The following DNM1L variants were observed in gnomAD, a reference collection of about 807,000 sequenced individuals.
DNM1L encodes the protein dynamin 1L.
DNM1L carries 33 observed loss-of-function variants against 92.8 expected under a neutral mutation model. That is an observed-to-expected ratio of 0.36 (90% CI 0.27 to 0.48). The LOEUF (loss-of-function observed/expected upper bound fraction) is 0.48, where lower values mean the gene tolerates loss of function less well. DNM1L is among the 20% of genes least tolerant of loss of function. The pLI, the probability that DNM1L is intolerant of heterozygous loss-of-function variation, is 0.99. For missense variants in DNM1L, 485 were observed against 888.8 expected (o/e 0.55, Z 5.78); for synonymous variants, 284 against 305.0 (o/e 0.93, Z 0.72).
intron 19 of DNM1L, 50 bp from the exon 20 acceptor site, chr12:32,743,301 TTAA>T: frequency 1.3e-6 from 2 of 1,520,562 alleles, no homozygotes; most frequent in East Asian, 4.6e-5. Context: ...GTAATTCAGA[TTAA>T]TTTCATAACT....
At chr12:32,741,941 A>G (rs1043073135) in intron 18 of DNM1L, among the ~76,000 whole-genome samples, 5 of 152,284 alleles carry the variant, frequency 3.3e-5, no homozygotes, top group Admixed American at 3.3e-4. Flanking sequence ...ATTAAGTGAC[A>G]TATCTTTTGT....
intron 12 of DNM1L, 116 bp from the exon 13 acceptor site, chr12:32,733,599 A>G (rs769652812): frequency 1.2e-6 from 1 of 806,872 alleles, no homozygotes; most frequent in South Asian, 1.5e-5. Flanking sequence ...TAATTTAGGC[A>G]TAAGTTTCCT....
chr12:32,737,612 C>A, intron 14 of DNM1L: 2 of 471,464 alleles, frequency 4.2e-6, no homozygotes, highest in South Asian at 2.2e-5. Context: ...AGAAAAGAAT[C>A]TTATTAAATA....
At chr12:32,739,341 G>A (rs1955121974) in intron 16 of DNM1L, among the ~76,000 whole-genome samples, 1 of 152,004 alleles carries the variant, frequency 6.6e-6, no homozygotes, top group South Asian at 2.1e-4. Flanking sequence ...TTGACTTTTA[G>A]AAGTCAAGAC....
intron 1 of DNM1L, among the ~76,000 whole-genome samples, chr12:32,687,492 G>T (rs751370653): frequency 1.3e-5 from 2 of 152,118 alleles, no homozygotes; most frequent in Non-Finnish European, 2.9e-5. Flanking sequence ...ACCCAGGCTG[G>T]AGTGCAATGA....
chr12:32,691,374 G>A (rs1207218677), intron 1 of DNM1L, among the ~76,000 whole-genome samples: 2 of 152,132 alleles, frequency 1.3e-5, no homozygotes, highest in Non-Finnish European at 2.9e-5. Flanking sequence ...AAGTAGCTGG[G>A]ACTATAGGCA....
chr12:32,714,951 G>A (rs1953296617), intron 6 of DNM1L, among the ~76,000 whole-genome samples: 1 of 152,040 alleles, frequency 6.6e-6, no homozygotes, highest in South Asian at 2.1e-4. Context: ...AGTGAGCCGA[G>A]ATCATGCCAT....
At chr12:32,711,118 C>A in intron 5 of DNM1L, 103 bp downstream of exon 5, 2 of 1,022,964 alleles carry the variant, frequency 2.0e-6, no homozygotes, top group Non-Finnish European at 3.0e-6. Context: ...GATCTGTTAG[C>A]AGCATTTGAT....
chr12:32,699,076 G>A (rs543075006), intron 1 of DNM1L, among the ~76,000 whole-genome samples: 1 of 151,988 alleles, frequency 6.6e-6, no homozygotes, highest in African/African-American at 2.4e-5. Flanking sequence ...ATAGAAGAAC[G>A]GCCTTGTTCT....
At chr12:32,680,123 T>A in intron 1 of DNM1L, 1 of 638,062 alleles carries the variant, frequency 1.6e-6, no homozygotes, top group Non-Finnish European at 1.9e-6. Flanking sequence ...CCGATTTTTC[T>A]GCGTAGGCTG....
intron 1 of DNM1L, among the ~76,000 whole-genome samples, chr12:32,689,210 T>C (rs1952137219): frequency 1.3e-5 from 2 of 152,174 alleles, no homozygotes; most frequent in South Asian, 4.1e-4. Context: ...TTTTATTTTA[T>C]TTTTGAGGCA....
chr12:32,732,210 G>A (rs1954602276), intron 12 of DNM1L, among the ~76,000 whole-genome samples: 1 of 152,124 alleles, frequency 6.6e-6, no homozygotes, highest in South Asian at 2.1e-4. Flanking sequence ...TTATGATTGA[G>A]GGGTGTGAAT....
At chr12:32,705,148 G>A (rs60098661) in intron 2 of DNM1L, among the ~76,000 whole-genome samples, 2,325 of 151,890 alleles carry the variant, frequency 0.015, 44 homozygotes, top group African/African-American at 0.036. Flanking sequence ...GATTACAGGC[G>A]TGTGCCACTA....
At chr12:32,716,022 A>G (rs1052029891) in intron 6 of DNM1L, among the ~76,000 whole-genome samples, 8 of 152,134 alleles carry the variant, frequency 5.3e-5, no homozygotes, top group African/African-American at 1.9e-4. Flanking sequence ...GAGTGAAACT[A>G]AAGTATGGTA....
chr12:32,717,954 A>G (rs1336134513), intron 6 of DNM1L, among the ~76,000 whole-genome samples: 4 of 107,594 alleles, frequency 3.7e-5, no homozygotes, highest in Non-Finnish European at 6.8e-5. Context: ...AATATAGTAT[A>G]TATAGTATAT....
chr12:32,686,039 A>G (rs1443095905), intron 1 of DNM1L, among the ~76,000 whole-genome samples: 1 of 139,142 alleles, frequency 7.2e-6, no homozygotes, highest in Non-Finnish European at 1.5e-5. Context: ...AGAACATAAA[A>G]TTAGCCTTTT....
In DNM1L at chr12:32,680,068, AAC is replaced by A. The variant is rs1951751385; in HGVS notation, c.102+605_102+606del. The stretch of plus-strand genomic sequence containing the variant: ...CGAAGCAGCATTTTAAAAAAAGAAA[AAC>A]AAAACGTGTATCTAGAGTTCTGCGG... On this transcript the variant is annotated intron_variant, in intron 1 of 19. Transcript: ENST00000549701. The A allele has an allele frequency of 2.1e-5, 20 of 936,646 alleles. No homozygotes were observed. The South Asian group carries it at 9.8e-4, about 46-fold the overall frequency. The allele number at this position is 936,646 out of a possible 1,614,324, so 58.0% of individuals were successfully genotyped here. A position where few individuals can be genotyped will look rare whatever the true frequency, so the allele number is the denominator to read the frequency against.
intron 3 of DNM1L, 129 bp from the exon 4 acceptor site, chr12:32,708,024 A>G: frequency 3.3e-6 from 2 of 602,884 alleles, no homozygotes; most frequent in Non-Finnish European, 6.0e-6. Flanking sequence ...AAATATGTAT[A>G]CATTAGAATT....
At chr12:32,681,320 G>A (rs900815863) in intron 1 of DNM1L, among the ~76,000 whole-genome samples, 1 of 152,128 alleles carries the variant, frequency 6.6e-6, no homozygotes, top group Non-Finnish European at 1.5e-5. Context: ...ATTATCCGAG[G>A]TAGGCAGATC....
Sources: gnomAD v4.1 joint callset for allele counts (sites outside exome capture counted in the v4.1 genomes callset) on GRCh38, gnomAD v4.1.1 for gene constraint, MANE v1.5 for transcripts, NCBI Gene and HGNC (gene_info 2026-07-23, HGNC 2026-07-21) for gene names.